Variants in LRP1B observed in about 807,000 individuals in gnomAD.
The protein encoded by LRP1B is LDL receptor related protein 1B, also known as low-density lipoprotein receptor-related protein 1B.
A neutral mutation model predicts 556.6 loss-of-function variants in LRP1B; 217 were observed. The observed-to-expected ratio is 0.39, with a 90% CI of 0.35 to 0.44. LRP1B has a LOEUF of 0.44. Ranked by LOEUF, LRP1B falls within the 20% of genes least tolerant of loss-of-function variation. The pLI is 1.00. For missense variants in LRP1B, 5,053 were observed against 5,620.8 expected (o/e 0.90, Z 3.23); for synonymous variants, 2,047 against 1,865.8 (o/e 1.10, Z -2.50).
chr2:141,352,383 ATTTT>A (rs904472628), intron 3 of LRP1B, among the ~76,000 whole-genome samples: 1 of 151,728 alleles, frequency 6.6e-6, no homozygotes, highest in South Asian at 2.1e-4. Context: ...CCTTTTTAAA[ATTTT>A]TTTTATTTTG....
intron 1 of LRP1B, among the ~76,000 whole-genome samples, chr2:142,092,023 G>A (rs1706191946): frequency 6.6e-6 from 1 of 152,174 alleles, no homozygotes; most frequent in Non-Finnish European, 1.5e-5. Flanking sequence ...TGAAAAACAA[G>A]AGGACGAACA....
At chr2:141,743,737 G>C (rs1045395561) in intron 2 of LRP1B, among the ~76,000 whole-genome samples, 8 of 151,812 alleles carry the variant, frequency 5.3e-5, no homozygotes, top group Non-Finnish European at 1.5e-5. Context: ...TTGGTATGTT[G>C]CACGTGTCTA....
chr2:141,234,274 ACTT>A (rs1338086971), intron 5 of LRP1B, among the ~76,000 whole-genome samples: 54 of 152,210 alleles, frequency 3.5e-4, no homozygotes, highest in Non-Finnish European at 2.8e-4. Flanking sequence ...AAGACTAAGA[ACTT>A]CTAATCAAAA....
In LRP1B at chr2:140,773,376, G is replaced by A. The variant is rs1689383441; in HGVS notation, c.5501-2370C>T. ...CCCAGCTACTCGGGGGACTGAGACAGGAGAACTGCTTGAACCCAGGAGACA... is the reference window on the plus strand; with the variant it reads ...CCCAGCTACTCGGGGGACTGAGACAAGAGAACTGCTTGAACCCAGGAGACA... On this transcript the variant is annotated intron_variant, in intron 33 of 90. Transcript: ENST00000389484. 2.0e-5 allele frequency among the ~76,000 whole-genome samples: 3 copies of A among 152,102 alleles called. No individual in the cohort carries two copies. The South Asian group carries it at 6.2e-4, about 32-fold the overall frequency.
chr2:141,128,002 T>G (rs974436839), intron 7 of LRP1B, among the ~76,000 whole-genome samples: 4 of 152,130 alleles, frequency 2.6e-5, no homozygotes, highest in African/African-American at 9.7e-5. Context: ...TATTTATTAT[T>G]TTTTAGAGAC....
chr2:140,734,970 T>C (rs1302267646), intron 35 of LRP1B, among the ~76,000 whole-genome samples: 1 of 152,208 alleles, frequency 6.6e-6, no homozygotes, highest in African/African-American at 2.4e-5. Context: ...CTCACAGGTG[T>C]ATTTCTCAAT....
At chr2:141,272,388 C>T (rs1386153910) in intron 3 of LRP1B, among the ~76,000 whole-genome samples, 3 of 151,632 alleles carry the variant, frequency 2.0e-5, no homozygotes. Context: ...GGAAGAGAAA[C>T]ATTAAAAAAG....
At chr2:141,572,347 G>A (rs1686559783) in intron 2 of LRP1B, among the ~76,000 whole-genome samples, 1 of 152,086 alleles carries the variant, frequency 6.6e-6, no homozygotes, top group Non-Finnish European at 1.5e-5. Flanking sequence ...ATAAGCGAAG[G>A]AGAAATAAAA....
intron 1 of LRP1B, among the ~76,000 whole-genome samples, chr2:141,845,696 G>C (rs1205797427): frequency 6.6e-6 from 1 of 151,748 alleles, no homozygotes; most frequent in Non-Finnish European, 1.5e-5. Context: ...AAAAGTGGGA[G>C]ATACTAGAGA....
intron 7 of LRP1B, among the ~76,000 whole-genome samples, chr2:141,187,018 G>C (rs1231820173): frequency 6.6e-6 from 1 of 151,994 alleles, no homozygotes. Flanking sequence ...CACATCCAGG[G>C]AAAAACATGC....
chr2:141,357,952 T>C (rs1346373059), intron 3 of LRP1B, among the ~76,000 whole-genome samples: 1 of 152,192 alleles, frequency 6.6e-6, no homozygotes, highest in East Asian at 1.9e-4. Context: ...AATTACAAAA[T>C]GTATGACTGT....
intron 1 of LRP1B, among the ~76,000 whole-genome samples, chr2:141,924,621 G>A (rs1045263117): frequency 9.2e-5 from 14 of 152,078 alleles, no homozygotes; most frequent in Non-Finnish European, 1.3e-4. Flanking sequence ...CTCAAAACAC[G>A]CGCCCTGGCT....
intron 2 of LRP1B, among the ~76,000 whole-genome samples, chr2:141,708,896 C>A (rs1692250193): frequency 1.3e-5 from 2 of 152,150 alleles, no homozygotes; most frequent in African/African-American, 4.8e-5. Context: ...CAGAAGAAAA[C>A]AAACCTGCTA....
intron 1 of LRP1B, among the ~76,000 whole-genome samples, chr2:141,925,500 A>G (rs1325067254): frequency 6.6e-6 from 1 of 152,200 alleles, no homozygotes; most frequent in Admixed American, 6.5e-5. Flanking sequence ...GAATTCATAA[A>G]TCTATTTGTG....
chr2:141,528,603 T>G (rs1375636802), intron 2 of LRP1B, among the ~76,000 whole-genome samples: 2 of 152,126 alleles, frequency 1.3e-5, no homozygotes, highest in East Asian at 3.9e-4. Context: ...ACACAAATAT[T>G]TCAATATATG....
rs144762239 is a variant in LRP1B, at chr2:141,872,315, G to A, written c.83-61914C>T. On this transcript the variant is annotated intron_variant, in intron 1 of 90. Coordinates refer to ENST00000389484, the MANE Select transcript of LRP1B (RefSeq NM_018557.3). The stretch of plus-strand genomic sequence containing the variant: ...AAAAAAAGGAAATTGTGATATAAAC[G>A]TTGACTGGATTCAGAAGGAAACTAA... 3.2e-3 allele frequency among the ~76,000 whole-genome samples: 487 copies of A among 152,002 alleles called. 3 individuals carry two copies. Among genetic ancestry groups the A allele is most frequent in the African/African-American group, 0.011 (463 of 41,526 alleles).
At chr2:140,463,090 G>A (rs1687390604) in intron 60 of LRP1B, among the ~76,000 whole-genome samples, 1 of 152,164 alleles carries the variant, frequency 6.6e-6, no homozygotes, top group African/African-American at 2.4e-5. Context: ...ATGAAAAACT[G>A]CAGTCTGGTA....
At position 141,492,091 on chromosome 2, in the gene LRP1B, A is replaced by AAAAAAAAC. The variant is rs67960557; in HGVS notation, c.206-11559_206-11558insGTTTTTTT. ...TATTTAGCTTTCTGAAAAAAAAAAAACACTAAGAAAACCAACATTTGATGA... is the reference window on the plus strand; with the variant it reads ...TATTTAGCTTTCTGAAAAAAAAAAAAAAAAAAACCACTAAGAAAACCAACATTTGATGA... On this transcript the variant is annotated intron_variant, in intron 2 of 90. Coordinates refer to ENST00000389484, the MANE Select transcript of LRP1B (RefSeq NM_018557.3). Among the ~76,000 whole-genome samples the AAAAAAAAC allele has an allele frequency of 5.8e-3, 578 of 100,182 alleles. 22 individuals are homozygous for AAAAAAAAC. The highest frequency in any genetic ancestry group is 0.019 in the African/African-American group (492 of 25,894). The allele number at this position is 100,182 out of a possible 152,430, so 65.7% of individuals were successfully genotyped here.
intron 3 of LRP1B, among the ~76,000 whole-genome samples, chr2:141,422,489 A>G (rs1410408398): frequency 6.6e-6 from 1 of 152,214 alleles, no homozygotes; most frequent in African/African-American, 2.4e-5. Context: ...TTAGAAATAT[A>G]CTTTTAAGTA....
Sources: gnomAD v4.1 joint callset for allele counts (sites outside exome capture counted in the v4.1 genomes callset) on GRCh38, gnomAD v4.1.1 for gene constraint, MANE v1.5 for transcripts, NCBI Gene and HGNC (gene_info 2026-07-23, HGNC 2026-07-21) for gene names.